The following CSGALNACT1 variants were observed in gnomAD, a reference collection of about 807,000 sequenced individuals.
CSGALNACT1 encodes chondroitin sulfate N-acetylgalactosaminyltransferase 1.
CSGALNACT1 carries 52 observed loss-of-function variants against 51.0 expected under a neutral mutation model. That is an observed-to-expected ratio of 1.02 (90% CI 0.82 to 1.29). CSGALNACT1 has a LOEUF of 1.29. CSGALNACT1 is among the 50% of genes most tolerant of loss of function. The pLI, the probability that CSGALNACT1 is intolerant of heterozygous loss-of-function variation, is 0.00. For synonymous variants in CSGALNACT1, 341 were observed against 254.4 expected (o/e 1.34, Z -3.24); for missense variants, 935 against 679.2 (o/e 1.38, Z -4.19).
intron 9 of CSGALNACT1, among the ~76,000 whole-genome samples, chr8:19,406,623 T>TA (rs33985548): frequency 0.053 from 3,793 of 72,140 alleles, 230 homozygotes; most frequent in Middle Eastern, 0.078. Flanking sequence ...AGAGGTTTCG[T>TA]AAAAAAAAAA....
intron 4 of CSGALNACT1, among the ~76,000 whole-genome samples, chr8:19,467,887 G>A (rs79847176): frequency 6.6e-6 from 1 of 152,212 alleles, no homozygotes; most frequent in Admixed American, 6.5e-5. Flanking sequence ...TCAGGAGGCT[G>A]AGGTAGGAGG....
At chr8:19,412,780 G>A (rs558783354) in intron 8 of CSGALNACT1, among the ~76,000 whole-genome samples, 4 of 148,228 alleles carry the variant, frequency 2.7e-5, no homozygotes, top group African/African-American at 8.0e-5. Flanking sequence ...TGGCCTGGGA[G>A]GAGAAGACTC....
chr8:19,735,072 G>T (rs915677902), intron 1 of CSGALNACT1, among the ~76,000 whole-genome samples: 1 of 152,074 alleles, frequency 6.6e-6, no homozygotes, highest in East Asian at 1.9e-4. Context: ...GGGCCAGAGT[G>T]CCAGAAGAGA....
Position 19,487,618 on chromosome 8 carries a change from C to T in CSGALNACT1, c.634+17583G>A, listed in dbSNP as rs180829582. Among the ~76,000 whole-genome samples the T allele has an allele frequency of 1.5e-4, 23 of 152,272 alleles. No individual in the cohort carries two copies. In the South Asian group the frequency reaches 2.3e-3, roughly 15 times the overall value. ...AGACTCAACTGTTGATAAACTCCAACAGCCGAAAAGCCACCTCTCTTACAA... is the reference window on the plus strand; with the variant it reads ...AGACTCAACTGTTGATAAACTCCAATAGCCGAAAAGCCACCTCTCTTACAA... On this transcript the variant is annotated intron_variant, in intron 4 of 9. Transcript: ENST00000454498.
intron 4 of CSGALNACT1, among the ~76,000 whole-genome samples, chr8:19,464,501 CT>C (rs2153831784): frequency 6.6e-6 from 1 of 152,198 alleles, no homozygotes; most frequent in South Asian, 2.1e-4. Context: ...ACCAATCAAG[CT>C]GGTTTATATT....
chr8:19,404,423 T>G (rs1211062697), exon 10 of CSGALNACT1: 1 of 453,172 alleles, frequency 2.2e-6, no homozygotes, highest in African/African-American at 2.0e-5. Context: ...CTATGTTAAC[T>G]GTATTTATTT....
intron 5 of CSGALNACT1, among the ~76,000 whole-genome samples, chr8:19,445,687 C>G (rs769189275): frequency 6.6e-6 from 1 of 152,186 alleles, no homozygotes. Context: ...CTGAAACTAT[C>G]TGTAATATAA....
chr8:19,513,816 T>A (rs1265476580), intron 3 of CSGALNACT1, among the ~76,000 whole-genome samples: 1 of 152,026 alleles, frequency 6.6e-6, no homozygotes, highest in African/African-American at 2.4e-5. Flanking sequence ...TCTAAACACA[T>A]CTAGACAAAG....
intron 1 of CSGALNACT1, among the ~76,000 whole-genome samples, chr8:19,708,814 G>A (rs1433196748): frequency 6.6e-6 from 1 of 152,188 alleles, no homozygotes; most frequent in Non-Finnish European, 1.5e-5. Flanking sequence ...GAGTGGAGGG[G>A]CAGGTGAGTG....
intron 3 of CSGALNACT1, among the ~76,000 whole-genome samples, chr8:19,567,931 A>G (rs1363999252): frequency 6.6e-6 from 1 of 152,234 alleles, no homozygotes; most frequent in Non-Finnish European, 1.5e-5. Flanking sequence ...AATGAATTTA[A>G]TGAAAGATGT....
intron 3 of CSGALNACT1, among the ~76,000 whole-genome samples, chr8:19,526,213 G>A (rs2081666372): frequency 6.6e-6 from 1 of 152,148 alleles, no homozygotes; most frequent in Non-Finnish European, 1.5e-5. Flanking sequence ...CAGGAGCCCT[G>A]GTTTCCATTC....
intron 3 of CSGALNACT1, among the ~76,000 whole-genome samples, chr8:19,550,656 A>C (rs189766330): frequency 5.3e-4 from 81 of 152,068 alleles, no homozygotes; most frequent in Admixed American, 4.7e-3. Flanking sequence ...GAAATCTAAA[A>C]CTGTGCATTT....
Position 19,651,294 on chromosome 8 carries a change from G to A in CSGALNACT1, c.-544+31179C>T, listed in dbSNP as rs1310805062. ...TCCAACTTTTATTTTAGGTTCAGGG[G>A]TACATGTACATGTCTCTTACATGGG... On this transcript the variant is annotated intron_variant, in intron 1 of 9. Coordinates refer to the CSGALNACT1 transcript ENST00000332246. Among the ~76,000 whole-genome samples the A allele has an allele frequency of 3.3e-5, 5 of 151,868 alleles. No individual in the cohort carries two copies. The East Asian group carries it at 9.6e-4, about 29-fold the overall frequency.
intron 1 of CSGALNACT1, among the ~76,000 whole-genome samples, chr8:19,630,053 C>A (rs1295295645): frequency 1.3e-5 from 2 of 152,104 alleles, no homozygotes; most frequent in Admixed American, 6.6e-5. Context: ...TATGGCAGAG[C>A]AACGTGGAAA....
At chr8:19,462,945 T>A (rs2065873519) in intron 4 of CSGALNACT1, among the ~76,000 whole-genome samples, 1 of 152,116 alleles carries the variant, frequency 6.6e-6, no homozygotes, top group African/African-American at 2.4e-5. Context: ...TAGTACCCAA[T>A]AGGTGGTTTT....
intron 1 of CSGALNACT1, among the ~76,000 whole-genome samples, chr8:19,735,370 G>A (rs939305528): frequency 6.6e-6 from 1 of 151,994 alleles, no homozygotes; most frequent in Non-Finnish European, 1.5e-5. Context: ...ATAAATATAA[G>A]TCCTCTCTGA....
intron 1 of CSGALNACT1, among the ~76,000 whole-genome samples, chr8:19,611,531 G>A (rs1046287985): frequency 6.6e-6 from 1 of 152,146 alleles, no homozygotes; most frequent in Non-Finnish European, 1.5e-5. Flanking sequence ...TTACAGATAA[G>A]GACACCTACT....
At chr8:19,566,142 A>G (rs1393232023) in intron 3 of CSGALNACT1, among the ~76,000 whole-genome samples, 2 of 152,240 alleles carry the variant, frequency 1.3e-5, no homozygotes, top group African/African-American at 2.4e-5. Context: ...AATAGAGTTC[A>G]TTACCTTGAG....
intron 8 of CSGALNACT1, among the ~76,000 whole-genome samples, chr8:19,411,835 T>C (rs891502550): frequency 9.7e-5 from 5 of 51,612 alleles, no homozygotes; most frequent in Non-Finnish European, 1.6e-4. Flanking sequence ...CTATCCTCCT[T>C]TTTTTTTTTT....
Sources: gnomAD v4.1 joint callset for allele counts (sites outside exome capture counted in the v4.1 genomes callset) on GRCh38, gnomAD v4.1.1 for gene constraint, MANE v1.5 for transcripts, NCBI Gene and HGNC (gene_info 2026-07-23, HGNC 2026-07-21) for gene names.